The following HSPA12A variants were observed in gnomAD, a reference collection of about 807,000 sequenced individuals.
HSPA12A encodes heat shock protein family A (Hsp70) member 12A.
HSPA12A carries 28 observed loss-of-function variants against 69.2 expected under a neutral mutation model. The observed-to-expected ratio is 0.40, with a 90% CI of 0.30 to 0.55. The LOEUF is 0.55. Ranked by LOEUF, HSPA12A falls within the 20% of genes least tolerant of loss-of-function variation. The pLI, the probability that HSPA12A is intolerant of heterozygous loss-of-function variation, is 0.38. For missense variants in HSPA12A, 686 were observed against 900.7 expected, an observed-to-expected ratio of 0.76 and a Z score of 3.05; for synonymous variants, 345 against 370.5, an observed-to-expected ratio of 0.93 and a Z score of 0.79.
intron 2 of HSPA12A, among the ~76,000 whole-genome samples, chr10:116,801,127 T>C (rs1477177939): frequency 1.3e-5 from 2 of 152,222 alleles, no homozygotes; most frequent in African/African-American, 4.8e-5. Flanking sequence ...ACTAAATTGA[T>C]TTCAACACAT....
At chr10:116,816,978 T>C (rs1247015865) in intron 2 of HSPA12A, among the ~76,000 whole-genome samples, 1 of 152,210 alleles carries the variant, frequency 6.6e-6, no homozygotes, top group African/African-American at 2.4e-5. Context: ...TTCCTTCTTA[T>C]GTATCAACTA....
In HSPA12A at chr10:116,676,383, C is replaced by G; in HGVS notation, c.1390+16G>C. The G allele has an allele frequency of 1.2e-6, 2 of 1,605,814 alleles. No individual in the cohort carries two copies. Among genetic ancestry groups the G allele is most frequent in the Non-Finnish European group, 1.7e-6 (2 of 1,173,338 alleles). ...AGCTCTGCCTCGCCGAGTGGCCGAG[C>G]CTGGCTGATACTTACGGAGATGCTC... On this transcript the variant is annotated intron_variant, in intron 11 of 11. Coordinates refer to ENST00000369209, the MANE Select transcript of HSPA12A (RefSeq NM_025015.3).
Position 116,710,385 on chromosome 10 carries a change from A to G in HSPA12A, c.41-3100T>C, listed in dbSNP as rs770204932. Among the ~76,000 whole-genome samples, 12 of 152,098 alleles carry G rather than the reference A, an allele frequency of 7.9e-5. No individual in the cohort carries two copies. Among genetic ancestry groups the G allele is most frequent in the Non-Finnish European group, 1.8e-4 (12 of 68,024 alleles). ...ACCCCGCTGCTGCTTGGTCCTAATT[A>G]TCCCATCACTCAGCCCTTCTCAGAG... On this transcript the variant is annotated intron_variant, in intron 1 of 11. Transcript: ENST00000369209. The surrounding 1 kb of genome is among the most constrained non-coding windows in gnomAD (Gnocchi z 4.1).
intron 2 of HSPA12A, among the ~76,000 whole-genome samples, chr10:116,808,340 G>C (rs1161097445): frequency 6.6e-6 from 1 of 152,044 alleles, no homozygotes; most frequent in Non-Finnish European, 1.5e-5. Context: ...GGAAACTTCA[G>C]AGGATTTAGG....
chr10:116,705,344 T>TG (rs544242801), intron 2 of HSPA12A, 66 bp from the exon 3 acceptor site: 20 of 1,571,990 alleles, frequency 1.3e-5, no homozygotes, highest in South Asian at 5.5e-5. Context: ...AAGACACCCC[T>TG]GGGGGGTCTC....
chr10:116,786,343 C>T (rs528304543), intron 2 of HSPA12A, among the ~76,000 whole-genome samples: 1 of 152,054 alleles, frequency 6.6e-6, no homozygotes, highest in African/African-American at 2.4e-5. Flanking sequence ...TGCCCCTAGC[C>T]TGGGCTCAGG....
chr10:116,770,583 G>A (rs142419653), intron 2 of HSPA12A, among the ~76,000 whole-genome samples: 2 of 152,130 alleles, frequency 1.3e-5, no homozygotes, highest in African/African-American at 2.4e-5. Context: ...GGGTGGGGGT[G>A]AGGGAGGACT....
chr10:116,839,170 C>T (rs987946897), intron 1 of HSPA12A, among the ~76,000 whole-genome samples: 2 of 152,142 alleles, frequency 1.3e-5, no homozygotes, highest in Non-Finnish European at 2.9e-5. Context: ...TTTATAGCTC[C>T]TGAATTAATA....
chr10:116,842,331 G>C (rs1845815103), intron 1 of HSPA12A, among the ~76,000 whole-genome samples: 1 of 152,068 alleles, frequency 6.6e-6, no homozygotes, highest in African/African-American at 2.4e-5. Flanking sequence ...CTCTTAACTA[G>C]GATTCTTCCT....
chr10:116,676,558 G>A, intron 10 of HSPA12A, 56 bp from the exon 11 acceptor site: 6 of 1,311,492 alleles, frequency 4.6e-6, no homozygotes, highest in Non-Finnish European at 6.6e-6. Context: ...CGATACCCAG[G>A]CTTATCTGCA....
intron 1 of HSPA12A, among the ~76,000 whole-genome samples, chr10:116,726,021 A>ACACATG (rs1554884954): frequency 2.0e-5 from 1 of 50,788 alleles, no homozygotes; most frequent in Admixed American, 2.1e-4. Context: ...AGACACACAC[A>ACACATG]CACACGCACA....
chr10:116,751,212 A>G, intron 2 of HSPA12A: 2 of 234,404 alleles, frequency 8.5e-6, no homozygotes, highest in Non-Finnish European at 1.8e-5. Context: ...AAGATCAGGT[A>G]GCTCAAAGGA....
chr10:116,728,483 C>T (rs959042207), intron 1 of HSPA12A, among the ~76,000 whole-genome samples: 42 of 152,176 alleles, frequency 2.8e-4, no homozygotes, highest in Admixed American at 6.5e-5. Context: ...AATTTAGCTT[C>T]GTGCAAACCT....
chr10:116,688,699 T>C (rs1849648633), intron 6 of HSPA12A, among the ~76,000 whole-genome samples: 1 of 152,242 alleles, frequency 6.6e-6, no homozygotes, highest in African/African-American at 2.4e-5. Flanking sequence ...CACTGCAGCT[T>C]GTTCAGAAAG....
chr10:116,789,093 T>C (rs1844644424), intron 2 of HSPA12A, among the ~76,000 whole-genome samples: 1 of 152,150 alleles, frequency 6.6e-6, no homozygotes, highest in Non-Finnish European at 1.5e-5. Context: ...CTCGAACTCC[T>C]GACTTCAGGT....
At chr10:116,681,004 C>T (rs891339087) in intron 9 of HSPA12A, 148 bp downstream of exon 9, 2 of 581,990 alleles carry the variant, frequency 3.4e-6, no homozygotes, top group East Asian at 5.6e-5. Context: ...TTTCCAATTT[C>T]AAGCAGACAT....
chr10:116,682,867 A>ATTTTTTTTTTT (rs60393392), intron 7 of HSPA12A, among the ~76,000 whole-genome samples: 6 of 117,728 alleles, frequency 5.1e-5, no homozygotes, highest in South Asian at 2.9e-4. Flanking sequence ...CGCCCGGCTA[A>ATTTTTTTTTTT]TTTTTTTTTT....
intron 5 of HSPA12A, among the ~76,000 whole-genome samples, chr10:116,696,647 G>A (rs1380530591): frequency 1.3e-5 from 2 of 152,028 alleles, no homozygotes; most frequent in Admixed American, 6.5e-5. Context: ...CGGTGGCCAC[G>A]TCACTCATTC....
chr10:116,676,928 C>G (rs1252905195), intron 10 of HSPA12A, among the ~76,000 whole-genome samples: 2 of 152,206 alleles, frequency 1.3e-5, no homozygotes, highest in Non-Finnish European at 2.9e-5. Flanking sequence ...CCTCAGCCTT[C>G]CAGGCACCTG....
Sources: allele counts gnomAD v4.1 joint callset (sites outside exome capture counted in the v4.1 genomes callset), GRCh38; gene constraint gnomAD v4.1.1; non-coding constraint Gnocchi (gnomAD v3.1); transcripts MANE v1.5; gene names NCBI Gene and HGNC (gene_info 2026-07-23, HGNC 2026-07-21).